TPCN2: variants seen among roughly 807,000 people sequenced by gnomAD.
The protein encoded by TPCN2 is two pore channel protein 2.
A neutral mutation model predicts 111.4 loss-of-function variants in TPCN2; 92 were observed. That is an observed-to-expected ratio of 0.83 (90% CI 0.70 to 0.98). The LOEUF (loss-of-function observed/expected upper bound fraction) is 0.98, where lower values mean the gene tolerates loss of function less well. TPCN2 is among the 50% of genes least tolerant of loss of function. The pLI is 0.00. For synonymous variants in TPCN2, 405 were observed against 414.5 expected (o/e 0.98, Z 0.28); for missense variants, 995 against 980.1 (o/e 1.02, Z -0.20).
chr11:69,079,584 G>C (rs1412627928), intron 16 of TPCN2: 1 of 494,354 alleles, frequency 2.0e-6, no homozygotes, highest in Non-Finnish European at 3.6e-6. Context: ...CCTTGACTCA[G>C]TATCTTCTCT....
intron 1 of TPCN2, among the ~76,000 whole-genome samples, chr11:69,049,356 C>A (rs948045912): frequency 6.6e-6 from 1 of 152,178 alleles, no homozygotes; most frequent in African/African-American, 2.4e-5. Flanking sequence ...TCCCGACCAG[C>A]TGGGCGAAGA....
chr11:69,059,433 C>T (rs1854922615), intron 5 of TPCN2, among the ~76,000 whole-genome samples: 1 of 152,242 alleles, frequency 6.6e-6, no homozygotes, highest in Non-Finnish European at 1.5e-5. Flanking sequence ...GCTGGCCATC[C>T]ACCTGTGCCT....
Position 69,048,984 on chromosome 11 carries a change from G to C in TPCN2, c.-14G>C, listed in dbSNP as rs1459526693. The C allele has an allele frequency of 1.5e-5, 19 of 1,232,310 alleles. No individual in the cohort carries two copies. Among genetic ancestry groups the C allele is most frequent in the Non-Finnish European group, 1.9e-5 (19 of 983,362 alleles). The allele number at this position is 1,232,310 out of a possible 1,614,324, so 76.3% of individuals were successfully genotyped here. ...TGAGCTTCTGAGGGTCGGGTCCAGC[G>C]CGTGGGCTGCTGGATGGCGGAACCC... On this transcript the variant is annotated 5_prime_UTR_variant, in exon 1 of 25. Transcript: ENST00000294309.
At chr11:69,049,405 C>T (rs956680873) in intron 1 of TPCN2, among the ~76,000 whole-genome samples, 1 of 152,222 alleles carries the variant, frequency 6.6e-6, no homozygotes, top group African/African-American at 2.4e-5. Flanking sequence ...AGGGAACCGG[C>T]CACCTGCGGC....
chr11:69,055,058 G>T, intron 3 of TPCN2, 117 bp from the exon 4 acceptor site: 2 of 1,128,646 alleles, frequency 1.8e-6, no homozygotes, highest in Non-Finnish European at 2.6e-6. Flanking sequence ...CCAGTCACGA[G>T]TGTCCACGCT....
intron 8 of TPCN2, among the ~76,000 whole-genome samples, chr11:69,069,097 A>G (rs1330203519): frequency 6.5e-5 from 5 of 77,194 alleles, no homozygotes; most frequent in Admixed American, 1.3e-4. Flanking sequence ...GAGCAGGACT[A>G]TCTGAGTCCT....
At chr11:69,079,359 T>G in intron 16 of TPCN2, 1 of 338,554 alleles carries the variant, frequency 3.0e-6, no homozygotes, top group South Asian at 5.5e-5. Context: ...CGGTGTGACC[T>G]CAGCATGGGT....
chr11:69,063,065 G>A (rs1239142539), intron 6 of TPCN2, 75 bp downstream of exon 6: 2 of 1,331,204 alleles, frequency 1.5e-6, no homozygotes, highest in East Asian at 2.3e-5. Flanking sequence ...GTTGCGGGTG[G>A]GGCCCACCGG....
In TPCN2 at chr11:69,081,388, G is replaced by C; in HGVS notation, c.1590-12G>C. ...GGGCTCCTCCCAACCCGCCTCCCGTGTCTCTCCCCAGGAGGCCGGAGATGG... is the reference window on the plus strand; with the variant it reads ...GGGCTCCTCCCAACCCGCCTCCCGTCTCTCTCCCCAGGAGGCCGGAGATGG... On this transcript the variant is annotated splice_polypyrimidine_tract_variant and intron_variant, in intron 17 of 24. Transcript: ENST00000294309. The C allele has an allele frequency of 6.5e-7, 1 of 1,539,536 alleles. No homozygotes were observed. The highest frequency in any genetic ancestry group is 8.8e-7 in the Non-Finnish European group (1 of 1,142,246).
At position 69,086,575 on chromosome 11, in the gene TPCN2, G is replaced by A; in HGVS notation, c.2056G>A (p.Val686Ile). ...LWWLVSSVIW[V>I]NLFLALILEN... is the part of the protein sequence containing the mutation. ...GTGGCTGGTGTCGTCTGTCATCTGG[G>A]TCAACCTGTTTCTGGCCCTGATTCT... The change falls in exon 23 of 25, where the codon GTC becomes ATC. Residue 686 changes from valine (V) to isoleucine (I), a missense_variant. By Grantham distance (29) the Val-to-Ile change is conservative. Transcript: ENST00000294309. 2 of 1,614,110 alleles carry A rather than the reference G, an allele frequency of 1.2e-6. No individual in the cohort carries two copies. The highest frequency in any genetic ancestry group is 1.7e-6 in the Non-Finnish European group (2 of 1,180,012).
At chr11:69,082,973 T>A (rs56821272) in intron 18 of TPCN2, among the ~76,000 whole-genome samples, 163 of 98,566 alleles carry the variant, frequency 1.7e-3, no homozygotes, top group Middle Eastern at 9.6e-3. Flanking sequence ...GCAGATATCC[T>A]TGTGAACTCG....
chr11:69,060,700 T>C (rs1049070918), intron 5 of TPCN2, among the ~76,000 whole-genome samples: 3 of 152,152 alleles, frequency 2.0e-5, no homozygotes, highest in East Asian at 1.9e-4. Context: ...CTGGGGAAGC[T>C]GTGCTGTGGT....
At chr11:69,060,880 C>T (rs1055702639) in intron 5 of TPCN2, among the ~76,000 whole-genome samples, 1 of 152,198 alleles carries the variant, frequency 6.6e-6, no homozygotes, top group African/African-American at 2.4e-5. Flanking sequence ...GTGAGCTGGG[C>T]GCACAGGGCA....
chr11:69,086,614 A>T lies in TPCN2; in HGVS notation c.2085+10A>T. 2 of 1,612,546 alleles carry T rather than the reference A, an allele frequency of 1.2e-6. No individual in the cohort carries two copies. The highest frequency in any genetic ancestry group is 1.7e-6 in the Non-Finnish European group (2 of 1,178,702). On this transcript the variant is annotated intron_variant, in intron 23 of 24. Transcript: ENST00000294309. ...GGCCCTGATTCTGGAGGTATCAGAGATCCCCACCCAGGCTGTTCTCCATGG... is the reference window on the plus strand; with the variant it reads ...GGCCCTGATTCTGGAGGTATCAGAGTTCCCCACCCAGGCTGTTCTCCATGG...
Position 69,085,730 on chromosome 11 carries a change from C to T in TPCN2, c.1898C>T (p.Ala633Val), listed in dbSNP as rs1338303164. The change falls in exon 21 of 25, where the codon GCC becomes GTC. Residue 633 changes from alanine (A) to valine (V), a missense_variant. Physicochemically the swap from Ala to Val is moderately conservative, Grantham distance 64 (BLOSUM62 0). Coordinates refer to ENST00000294309, the MANE Select transcript of TPCN2 (RefSeq NM_139075.4). ...AGCTTCGAGCAGCTGGAGTACTGGGCCAACAACTTCGATGACTTTGCGGTG... is the reference window on the plus strand; with the variant it reads ...AGCTTCGAGCAGCTGGAGTACTGGGTCAACAACTTCGATGACTTTGCGGTG... ...CGSFEQLEYW[A>V]NNFDDFAAAL... The T allele has an allele frequency of 1.9e-6, 3 of 1,614,116 alleles. No homozygotes were observed. Among genetic ancestry groups the T allele is most frequent in the East Asian group, 2.2e-5 (1 of 44,876 alleles).
At chr11:69,074,177 C>T (rs1157353504) in intron 13 of TPCN2, among the ~76,000 whole-genome samples, 2 of 152,206 alleles carry the variant, frequency 1.3e-5, no homozygotes, top group African/African-American at 2.4e-5. Flanking sequence ...AGAGGTGGTT[C>T]TCTAAAAAAC....
chr11:69,088,034 T>C lies in TPCN2; in HGVS notation c.*81T>C. 7.8e-7 allele frequency: 1 copy of C among 1,279,560 alleles called. No individual in the cohort carries two copies. The highest frequency in any genetic ancestry group is 2.5e-5 in the East Asian group (1 of 40,032). The allele number at this position is 1,279,560 out of a possible 1,614,324, so 79.3% of individuals were successfully genotyped here. A position where few individuals can be genotyped will look rare whatever the true frequency, so the allele number is the denominator to read the frequency against. On this transcript the variant is annotated 3_prime_UTR_variant, in exon 25 of 25. Coordinates refer to ENST00000294309, the MANE Select transcript of TPCN2 (RefSeq NM_139075.4). Reference sequence around the variant, plus strand: ...GTGCCCGTCATGGAAGAGGCGGCCATGCTGTGGCCAGCCAGGCAGGAAGAG... The same window carrying C: ...GTGCCCGTCATGGAAGAGGCGGCCACGCTGTGGCCAGCCAGGCAGGAAGAG...
Position 69,077,828 on chromosome 11 carries a change from C to T in TPCN2, c.1231-654C>T, listed in dbSNP as rs572769184. On this transcript the variant is annotated intron_variant, in intron 13 of 24. Transcript: ENST00000294309. ...GTACTTGACACGTGGCTGTTGCCAC[C>T]GAAGAACTGAGTGTTGAATTTTGTT... 5.9e-5 allele frequency among the ~76,000 whole-genome samples: 9 copies of T among 152,280 alleles called. No homozygotes were observed. In the South Asian group the frequency reaches 1.9e-3, roughly 32 times the overall value.
chr11:69,053,894 C>A, intron 1 of TPCN2, 139 bp from the exon 2 acceptor site: 1 of 710,492 alleles, frequency 1.4e-6, no homozygotes, highest in Non-Finnish European at 2.4e-6. Flanking sequence ...ACATGCAGCC[C>A]CACTGCCGGG....
Sources: allele counts gnomAD v4.1 joint callset (sites outside exome capture counted in the v4.1 genomes callset), GRCh38; gene constraint gnomAD v4.1.1; transcripts MANE v1.5; gene names NCBI Gene and HGNC (gene_info 2026-07-23, HGNC 2026-07-21).